CDH8: variants seen among roughly 807,000 people sequenced by gnomAD.
CDH8 encodes the protein cadherin-8.
A neutral mutation model predicts 68.1 loss-of-function variants in CDH8; 17 were observed. That is an observed-to-expected ratio of 0.25 (90% CI 0.17 to 0.37). The LOEUF is 0.37. CDH8 is among the 10% of genes least tolerant of loss of function. The probability of loss-of-function intolerance (pLI) is 1.00; values close to 1 mark genes in which losing one functional copy is unlikely to be tolerated. For missense variants in CDH8, 763 were observed against 999.3 expected (o/e 0.76, Z 3.19); for synonymous variants, 372 against 365.1 (o/e 1.02, Z -0.21).
At chr16:62,000,018 G>A (rs1055311324) in intron 2 of CDH8, among the ~76,000 whole-genome samples, 6 of 151,630 alleles carry the variant, frequency 4.0e-5, no homozygotes, top group Admixed American at 1.3e-4. Flanking sequence ...GTGTCCATGT[G>A]TTCTCATTGT....
rs570824253 is a variant in CDH8, at chr16:61,751,507, A to G, written c.1415-24292T>C. On this transcript the variant is annotated intron_variant, in intron 8 of 11. Coordinates refer to ENST00000577390, the MANE Select transcript of CDH8 (RefSeq NM_001796.5). ...GACACATCCTAGCTCAAGATAGAAG[A>G]CCGTCCCGTTACATTTTTTAGCTGT... 7.9e-5 allele frequency among the ~76,000 whole-genome samples: 12 copies of G among 151,990 alleles called. No individual in the cohort carries two copies. The South Asian group carries it at 2.5e-3, about 32-fold the overall frequency.
chr16:61,947,679 A>G (rs999425107), intron 2 of CDH8, among the ~76,000 whole-genome samples: 5 of 152,126 alleles, frequency 3.3e-5, no homozygotes, highest in African/African-American at 1.2e-4. Context: ...CTTGTTCTAC[A>G]TGTTTGTTTT....
chr16:61,725,231 A>G (rs1197177686), intron 9 of CDH8: 1 of 150,626 alleles, frequency 6.6e-6, no homozygotes. Context: ...TGCATAGGAA[A>G]GATGAGAAAA....
At chr16:61,818,935 C>CTTT (rs34723976) in intron 6 of CDH8, among the ~76,000 whole-genome samples, 9 of 127,590 alleles carry the variant, frequency 7.1e-5, no homozygotes, top group East Asian at 2.3e-4. Context: ...GACTTGGCTC[C>CTTT]TTTTTTTTTT....
Position 61,727,211 on chromosome 16 carries a change from G to A in CDH8, c.1419C>T (p.Asn473=). 1 of 1,605,476 alleles carries A rather than the reference G, an allele frequency of 6.2e-7. No homozygotes were observed. The highest frequency in any genetic ancestry group is 8.5e-7 in the Non-Finnish European group (1 of 1,174,646). The change falls in exon 9 of 12, where the codon AAC becomes AAT. Residue 473 remains asparagine, a synonymous_variant. Transcript: ENST00000577390. ...NITIIATEIR[N]HSQISRVPVA... ...CAGGTACTCGTGATATCTGACTGTGGTTCCCTATGGGAAGGAAAAAATAAC... is the reference window on the plus strand; with the variant it reads ...CAGGTACTCGTGATATCTGACTGTGATTCCCTATGGGAAGGAAAAAATAAC...
chr16:61,984,013 G>A (rs377259173), intron 2 of CDH8, among the ~76,000 whole-genome samples: 1 of 151,994 alleles, frequency 6.6e-6, no homozygotes, highest in African/African-American at 2.4e-5. Flanking sequence ...TGCCTTCTGG[G>A]TTCAAGCTAT....
chr16:61,719,423 G>A (rs1340353644), intron 9 of CDH8, among the ~76,000 whole-genome samples: 3 of 150,968 alleles, frequency 2.0e-5, no homozygotes, highest in African/African-American at 7.3e-5. Context: ...GATTCCAGAA[G>A]AATGCGTCTA....
At chr16:61,836,679 T>C (rs1463702949) in intron 4 of CDH8, among the ~76,000 whole-genome samples, 2 of 151,936 alleles carry the variant, frequency 1.3e-5, no homozygotes, top group African/African-American at 4.8e-5. Context: ...ACAATGACCA[T>C]CGAACATAGA....
intron 2 of CDH8, among the ~76,000 whole-genome samples, chr16:61,924,225 G>T (rs2143427311): frequency 6.6e-6 from 1 of 152,180 alleles, no homozygotes; most frequent in Admixed American, 6.5e-5. Flanking sequence ...TTTCCATTAG[G>T]GAATAATCAA....
At chr16:62,008,018 A>G (rs182898448) in intron 2 of CDH8, among the ~76,000 whole-genome samples, 2 of 152,142 alleles carry the variant, frequency 1.3e-5, no homozygotes, top group African/African-American at 4.8e-5. Flanking sequence ...AGTGCTGCCA[A>G]CACAGCTCAT....
chr16:61,860,488 G>A (rs970833972), intron 3 of CDH8, among the ~76,000 whole-genome samples: 3 of 152,082 alleles, frequency 2.0e-5, no homozygotes, highest in Non-Finnish European at 2.9e-5. Context: ...AACTAACAGA[G>A]TTCAGAGACT....
At position 61,652,768 on chromosome 16, in the gene CDH8, G is replaced by C. The variant is rs1026759634; in HGVS notation, c.*840C>G. On this transcript the variant is annotated 3_prime_UTR_variant, in exon 12 of 12. Transcript: ENST00000577390. Reference sequence around the variant, plus strand: ...TGGACATCAATAAAATATTTATTTCGAGGATTAAACAAATAAATTCACGCG... The same window carrying C: ...TGGACATCAATAAAATATTTATTTCCAGGATTAAACAAATAAATTCACGCG... The C allele has an allele frequency of 1.5e-6, 2 of 1,308,586 alleles. No individual in the cohort carries two copies. The highest frequency in any genetic ancestry group is 4.9e-5 in the South Asian group (2 of 41,132). 81.1% of individuals were successfully genotyped at this position (1,308,586 alleles called of 1,614,324 possible).
intron 2 of CDH8, among the ~76,000 whole-genome samples, chr16:62,009,494 AT>A (rs1247488251): frequency 6.6e-6 from 1 of 152,186 alleles, no homozygotes; most frequent in East Asian, 1.9e-4. Context: ...CATTAACACA[AT>A]TAGTTCAAGC....
At chr16:61,893,600 G>C (rs1963817474) in intron 3 of CDH8, among the ~76,000 whole-genome samples, 1 of 152,016 alleles carries the variant, frequency 6.6e-6, no homozygotes, top group Non-Finnish European at 1.5e-5. Flanking sequence ...TGTGTAAATG[G>C]CTAATTCTAG....
chr16:62,034,217 A>ACACACACACACACG (rs1039068798), intron 1 of CDH8, among the ~76,000 whole-genome samples: 1 of 151,370 alleles, frequency 6.6e-6, no homozygotes, highest in African/African-American at 2.4e-5. Context: ...ACACACACAC[A>ACACACACACACACG]CGCACACGAA....
intron 2 of CDH8, among the ~76,000 whole-genome samples, chr16:61,909,156 A>G (rs1964117486): frequency 6.6e-6 from 1 of 152,118 alleles, no homozygotes; most frequent in South Asian, 2.1e-4. Context: ...AGCATTTGGT[A>G]TCTCAGACAT....
chr16:61,797,394 A>G (rs1355794189), intron 7 of CDH8, among the ~76,000 whole-genome samples: 3 of 152,164 alleles, frequency 2.0e-5, no homozygotes, highest in South Asian at 4.1e-4. Flanking sequence ...GCAGCCATAC[A>G]GGTTACCATA....
At chr16:61,950,303 AT>A (rs1964872483) in intron 2 of CDH8, among the ~76,000 whole-genome samples, 1 of 152,200 alleles carries the variant, frequency 6.6e-6, no homozygotes, top group Non-Finnish European at 1.5e-5. Flanking sequence ...AGAGTAGGAT[AT>A]TTTTAGCTGA....
chr16:61,876,486 A>G (rs1963462903), intron 3 of CDH8, among the ~76,000 whole-genome samples: 1 of 152,132 alleles, frequency 6.6e-6, no homozygotes, highest in Non-Finnish European at 1.5e-5. Flanking sequence ...TTGAATGACT[A>G]ATGCCAAGAC....
Sources: allele counts gnomAD v4.1 joint callset (sites outside exome capture counted in the v4.1 genomes callset), GRCh38; gene constraint gnomAD v4.1.1; transcripts MANE v1.5; gene names NCBI Gene and HGNC (gene_info 2026-07-23, HGNC 2026-07-21).